Variants in RBFOX1 observed in about 807,000 individuals in gnomAD.
The protein encoded by RBFOX1 is RNA binding fox-1 homolog 1, also known as RNA binding protein fox-1 homolog 1.
A neutral mutation model predicts 57.7 loss-of-function variants in RBFOX1; 8 were observed. The observed-to-expected ratio is 0.14, with a 90% CI of 0.08 to 0.25. The LOEUF (loss-of-function observed/expected upper bound fraction) is 0.25, where lower values mean the gene tolerates loss of function less well. RBFOX1 is among the 10% of genes least tolerant of loss of function. The pLI is 1.00. For synonymous variants in RBFOX1, 326 were observed against 222.4 expected (o/e 1.47, Z -4.15); for missense variants, 611 against 548.5 (o/e 1.11, Z -1.14).
intron 4 of RBFOX1, among the ~76,000 whole-genome samples, chr16:7,513,309 AG>A (rs979912153): frequency 4.6e-5 from 7 of 151,910 alleles, no homozygotes; most frequent in African/African-American, 1.5e-4. Flanking sequence ...GAATGAATGA[AG>A]TGAACTCCCC....
chr16:6,801,936 A>G (rs910984129), intron 3 of RBFOX1, among the ~76,000 whole-genome samples: 5 of 152,126 alleles, frequency 3.3e-5, no homozygotes, highest in African/African-American at 9.7e-5. Context: ...GACCTTCAGT[A>G]AATTTAATCT....
At chr16:6,720,427 C>G (rs2065750797) in intron 3 of RBFOX1, among the ~76,000 whole-genome samples, 1 of 152,110 alleles carries the variant, frequency 6.6e-6, no homozygotes, top group Non-Finnish European at 1.5e-5. Context: ...TTATAAATTA[C>G]CCACTCTCAG....
chr16:7,145,946 C>G (rs1002769194), intron 4 of RBFOX1, among the ~76,000 whole-genome samples: 1 of 152,148 alleles, frequency 6.6e-6, no homozygotes, highest in African/African-American at 2.4e-5. Context: ...ACAGGTGCAC[C>G]CTCCTTCACT....
intron 5 of RBFOX1, among the ~76,000 whole-genome samples, chr16:7,561,471 A>G (rs1294824941): frequency 1.4e-4 from 22 of 152,194 alleles, no homozygotes; most frequent in Admixed American, 1.4e-3. Context: ...AATGCAGGAG[A>G]AATTAGCCTA....
chr16:6,478,005 A>T (rs1046438756), intron 2 of RBFOX1, among the ~76,000 whole-genome samples: 1 of 151,918 alleles, frequency 6.6e-6, no homozygotes, highest in Non-Finnish European at 1.5e-5. Flanking sequence ...ATTCAAGAGG[A>T]TTAAAGTCTT....
intron 2 of RBFOX1, among the ~76,000 whole-genome samples, chr16:5,485,740 C>G (rs1404835539): frequency 6.6e-6 from 1 of 152,146 alleles, no homozygotes; most frequent in Non-Finnish European, 1.5e-5. Context: ...AGGGCATTTC[C>G]TTAAACACCG....
intron 3 of RBFOX1, among the ~76,000 whole-genome samples, chr16:5,618,661 T>C (rs1460507761): frequency 6.6e-6 from 1 of 152,164 alleles, no homozygotes; most frequent in African/African-American, 2.4e-5. Flanking sequence ...GTACGTAAGT[T>C]ATACCTCAAA....
intron 4 of RBFOX1, among the ~76,000 whole-genome samples, chr16:7,080,042 G>GTATATATATATACATATTATA (rs1555455709): frequency 0.012 from 1,732 of 142,014 alleles, 42 homozygotes; most frequent in African/African-American, 0.044. Flanking sequence ...GTATATAGAT[G>GTATATATATATACATATTATA]TATATATATA....
chr16:7,241,586 G>A (rs1404115064), intron 4 of RBFOX1, among the ~76,000 whole-genome samples: 1 of 152,026 alleles, frequency 6.6e-6, no homozygotes, highest in African/African-American at 2.4e-5. Flanking sequence ...TTGCAAGAGG[G>A]TTACTTAAAA....
At chr16:7,190,679 G>C (rs1313726789) in intron 4 of RBFOX1, among the ~76,000 whole-genome samples, 1 of 151,954 alleles carries the variant, frequency 6.6e-6, no homozygotes, top group Non-Finnish European at 1.5e-5. Context: ...CAGCTCCCCA[G>C]AAATCAGTGC....
At chr16:6,856,259 A>T (rs540418690) in intron 3 of RBFOX1, among the ~76,000 whole-genome samples, 20 of 152,168 alleles carry the variant, frequency 1.3e-4, no homozygotes, top group African/African-American at 4.3e-4. Flanking sequence ...ATCTGCTCAG[A>T]TCTTTTTAGT....
intron 2 of RBFOX1, among the ~76,000 whole-genome samples, chr16:6,600,075 G>A (rs2097832188): frequency 1.3e-5 from 2 of 152,160 alleles, no homozygotes; most frequent in Non-Finnish European, 2.9e-5. Flanking sequence ...GAGGAAGAGG[G>A]TTAGGGAAGC....
intron 4 of RBFOX1, among the ~76,000 whole-genome samples, chr16:7,405,372 A>G (rs2098323111): frequency 6.6e-6 from 1 of 152,172 alleles, no homozygotes; most frequent in African/African-American, 2.4e-5. Context: ...AGTTCACTCC[A>G]AGGCGCTGTG....
intron 3 of RBFOX1, among the ~76,000 whole-genome samples, chr16:6,834,059 T>A (rs567561318): frequency 1.7e-4 from 25 of 151,020 alleles, no homozygotes; most frequent in Non-Finnish European, 2.4e-4. Context: ...CAATAAATAT[T>A]TTTTTTTCTA....
intron 4 of RBFOX1, among the ~76,000 whole-genome samples, chr16:7,398,405 G>A (rs1223774034): frequency 6.6e-6 from 1 of 152,194 alleles, no homozygotes; most frequent in Non-Finnish European, 1.5e-5. Flanking sequence ...GTAAGATTTT[G>A]TTAATGTCTA....
chr16:6,605,211 G>A (rs971012993), intron 2 of RBFOX1, among the ~76,000 whole-genome samples: 1 of 151,922 alleles, frequency 6.6e-6, no homozygotes, highest in Non-Finnish European at 1.5e-5. Context: ...TGTACTGGGT[G>A]ACAGAGCAAG....
chr16:7,187,593 G>T (rs1347008018), intron 4 of RBFOX1, among the ~76,000 whole-genome samples: 1 of 148,256 alleles, frequency 6.7e-6, no homozygotes, highest in East Asian at 2.1e-4. Context: ...GGAGGTTGAG[G>T]CAGGAGAATG....
chr16:6,285,825 C>T (rs1004980104), intron 1 of RBFOX1, among the ~76,000 whole-genome samples: 1 of 152,138 alleles, frequency 6.6e-6, no homozygotes, highest in Non-Finnish European at 1.5e-5. Context: ...CATCGGATCC[C>T]ATCCAGAAGC....
At chr16:6,904,382 G>C (rs7500032) in intron 3 of RBFOX1, among the ~76,000 whole-genome samples, 42,510 of 151,566 alleles carry the variant, frequency 0.28, 6,652 homozygotes, top group African/African-American at 0.43. Flanking sequence ...GGGAGGATAA[G>C]TTGAGGTCAG....
Sources: allele counts gnomAD v4.1 joint callset (sites outside exome capture counted in the v4.1 genomes callset), GRCh38; gene constraint gnomAD v4.1.1; transcripts MANE v1.5; gene names NCBI Gene and HGNC (gene_info 2026-07-23, HGNC 2026-07-21).